EXOC4: variants seen among roughly 807,000 people sequenced by gnomAD.
EXOC4 encodes the protein SEC8-like 1.
Under a neutral mutation model 107.2 loss-of-function variants are expected in EXOC4, and 71 were observed. That is an observed-to-expected ratio of 0.66 (90% CI 0.55 to 0.81). The LOEUF is 0.81. Ranked by LOEUF, EXOC4 falls within the 30% of genes least tolerant of loss-of-function variation. The probability of loss-of-function intolerance (pLI) is 0.00; values close to 1 mark genes in which losing one functional copy is unlikely to be tolerated. For missense variants in EXOC4, 1,108 were observed against 1,189.6 expected (o/e 0.93, Z 1.01); for synonymous variants, 456 against 441.2 (o/e 1.03, Z -0.42).
chr7:133,784,588 A>G (rs1180955946), intron 10 of EXOC4, among the ~76,000 whole-genome samples: 4 of 152,296 alleles, frequency 2.6e-5, no homozygotes, highest in East Asian at 1.9e-4. Context: ...TCAGATTTCT[A>G]AAGAGTCTGT....
rs532692119 is a variant in EXOC4, at chr7:133,594,493, C to CTTTTTTTTTTTTT, written c.1418-35544_1418-35532dup. Among the ~76,000 whole-genome samples the CTTTTTTTTTTTTT allele has an allele frequency of 6.1e-3, 555 of 90,318 alleles. 80 individuals carry two copies. The highest frequency in any genetic ancestry group is 0.01 in the Admixed American group (59 of 5,896). 59.3% of individuals were successfully genotyped at this position (90,318 alleles called of 152,430 possible). A position where few individuals can be genotyped will look rare whatever the true frequency, so the allele number is the denominator to read the frequency against. On this transcript the variant is annotated intron_variant, in intron 9 of 17. Coordinates refer to ENST00000253861, the MANE Select transcript of EXOC4 (RefSeq NM_021807.4). The stretch of plus-strand genomic sequence containing the variant: ...AGACAAGAAATACATAAGCTTGAGT[C>CTTTTTTTTTTTTT]TTTTTTTTTTTTTTTTTTTTGAGAC...
At chr7:133,765,581 G>A (rs1796119309) in intron 10 of EXOC4, among the ~76,000 whole-genome samples, 1 of 151,968 alleles carries the variant, frequency 6.6e-6, no homozygotes, top group Non-Finnish European at 1.5e-5. Flanking sequence ...AAAAGGGAGT[G>A]TGGTATTTTA....
At chr7:134,037,781 A>G (rs1175540928) in intron 17 of EXOC4, among the ~76,000 whole-genome samples, 1 of 152,322 alleles carries the variant, frequency 6.6e-6, no homozygotes, top group African/African-American at 2.4e-5. Flanking sequence ...GAATGCCACA[A>G]TGAAACTGAA....
At chr7:133,772,056 G>A (rs1239621916) in intron 10 of EXOC4, among the ~76,000 whole-genome samples, 1 of 151,962 alleles carries the variant, frequency 6.6e-6, no homozygotes, top group Non-Finnish European at 1.5e-5. Context: ...TTTCTGGGAA[G>A]TTGAAGGACA....
At chr7:133,991,464 ATTTG>A (rs1450392461) in intron 14 of EXOC4, among the ~76,000 whole-genome samples, 1 of 151,840 alleles carries the variant, frequency 6.6e-6, no homozygotes, top group Admixed American at 6.6e-5. Context: ...GCGTAATCCC[ATTTG>A]TTTATTTTTG....
intron 11 of EXOC4, among the ~76,000 whole-genome samples, chr7:133,852,291 C>G (rs1798253929): frequency 6.7e-6 from 1 of 149,898 alleles, no homozygotes; most frequent in South Asian, 2.1e-4. Context: ...GGTGCAATCT[C>G]TGCTCACCTC....
intron 7 of EXOC4, among the ~76,000 whole-genome samples, chr7:133,426,964 C>T (rs527548579): frequency 1.2e-4 from 18 of 152,268 alleles, no homozygotes; most frequent in Non-Finnish European, 2.4e-4. Context: ...ATTGGATTCA[C>T]ATTGAAAAGA....
chr7:133,977,559 A>G (rs1563078178), intron 14 of EXOC4, among the ~76,000 whole-genome samples: 1 of 152,324 alleles, frequency 6.6e-6, no homozygotes, highest in East Asian at 1.9e-4. Context: ...GCCTTGGCTC[A>G]CAGCTAGAGA....
chr7:133,957,200 G>A (rs1053581330), intron 14 of EXOC4, among the ~76,000 whole-genome samples: 1 of 152,014 alleles, frequency 6.6e-6, no homozygotes, highest in African/African-American at 2.4e-5. Flanking sequence ...CTCATTGAAT[G>A]GATTGTTCAC....
chr7:134,091,010 G>T, the EXOC4 span, among the ~76,000 whole-genome samples: 1 of 151,864 alleles, frequency 6.6e-6, no homozygotes, highest in Non-Finnish European at 1.5e-5. Context: ...CAAAATTGGT[G>T]CAAGCAGATG....
chr7:133,931,367 A>G (rs553915292), intron 13 of EXOC4, among the ~76,000 whole-genome samples: 1 of 152,346 alleles, frequency 6.6e-6, no homozygotes, highest in South Asian at 2.1e-4. Flanking sequence ...ATGGATTCAA[A>G]TAAGAGAAAG....
At chr7:133,516,930 T>C (rs1799887967) in intron 9 of EXOC4, among the ~76,000 whole-genome samples, 1 of 151,756 alleles carries the variant, frequency 6.6e-6, no homozygotes, top group African/African-American at 2.4e-5. Flanking sequence ...AAATAGTAAA[T>C]GTAAATATAC....
At chr7:133,728,942 C>T (rs1308308347) in intron 10 of EXOC4, among the ~76,000 whole-genome samples, 1 of 152,188 alleles carries the variant, frequency 6.6e-6, no homozygotes, top group African/African-American at 2.4e-5. Flanking sequence ...AACGCAGTCT[C>T]CTCCCAGGAG....
chr7:133,670,604 A>G (rs1406960914), intron 10 of EXOC4, among the ~76,000 whole-genome samples: 1 of 151,976 alleles, frequency 6.6e-6, no homozygotes, highest in Non-Finnish European at 1.5e-5. Flanking sequence ...CTTCTTCCTC[A>G]CTGTGTAACA....
At chr7:133,608,831 G>A (rs114077964) in intron 9 of EXOC4, among the ~76,000 whole-genome samples, 2,033 of 152,146 alleles carry the variant, frequency 0.013, 45 homozygotes, top group African/African-American at 0.045. Context: ...ACAGGCATGA[G>A]CCATCACCCC....
intron 9 of EXOC4, among the ~76,000 whole-genome samples, chr7:133,508,117 T>C (rs1305234868): frequency 6.6e-6 from 1 of 152,128 alleles, no homozygotes; most frequent in Non-Finnish European, 1.5e-5. Flanking sequence ...AGATTTTTTT[T>C]TTATCCATGA....
intron 10 of EXOC4, among the ~76,000 whole-genome samples, chr7:133,755,298 T>TAC (rs1795889282): frequency 1.7e-5 from 2 of 119,932 alleles, no homozygotes; most frequent in East Asian, 2.2e-4. Context: ...ACATATTATA[T>TAC]ATATTATATA....
intron 1 of EXOC4, among the ~76,000 whole-genome samples, chr7:133,257,358 A>G (rs893313670): frequency 2.3e-5 from 3 of 132,190 alleles, no homozygotes; most frequent in African/African-American, 1.0e-4. Context: ...TGGATGGTTT[A>G]CACACACGCA....
intron 10 of EXOC4, among the ~76,000 whole-genome samples, chr7:133,691,909 T>C (rs1794428600): frequency 6.6e-6 from 1 of 152,170 alleles, no homozygotes; most frequent in Non-Finnish European, 1.5e-5. Flanking sequence ...ATGGAAAAGT[T>C]GCTACCCTTT....
Sources: gnomAD v4.1 joint callset for allele counts (sites outside exome capture counted in the v4.1 genomes callset) on GRCh38, gnomAD v4.1.1 for gene constraint, MANE v1.5 for transcripts, NCBI Gene and HGNC (gene_info 2026-07-23, HGNC 2026-07-21) for gene names.